Variants in TCF4 observed in about 807,000 individuals in gnomAD.
TCF4 encodes the protein SL3-3 enhancer factor 2.
In TCF4, 3 loss-of-function variants were observed where a neutral mutation model predicts 82.1. The observed-to-expected ratio is 0.04, with a 90% CI of 0.02 to 0.09. The LOEUF (loss-of-function observed/expected upper bound fraction) is 0.09, where lower values mean the gene tolerates loss of function less well. Among genes scored for constraint, TCF4 ranks in the 10% least tolerant of loss-of-function variants. TCF4 has a pLI of 1.00. For synonymous variants in TCF4, 276 were observed against 309.6 expected (o/e 0.89, Z 1.14); for missense variants, 518 against 852.7 (o/e 0.61, Z 4.89).
Position 55,275,655 on chromosome 18 carries a change from G to A in TCF4, c.753C>T (p.Ser251=), listed in dbSNP as rs760906445. 9.3e-6 allele frequency: 15 copies of A among 1,613,702 alleles called. No homozygotes were observed. Among genetic ancestry groups the A allele is most frequent in the South Asian group, 5.5e-5 (5 of 91,082 alleles). Residue 251 remains serine, a synonymous_variant, in exon 10 of 20, where the codon TCC becomes TCT. Transcript: ENST00000354452. ...MLGNSSHIPQ[S]SSYCSLHPHE... ...GTGGATGCAGGCTACAGTAGCTGCT[G>A]GACTGTGGAATATGAGAAGAGTTGC...
At chr18:55,526,525 T>C (rs1032150677) in intron 3 of TCF4, among the ~76,000 whole-genome samples, 4 of 152,200 alleles carry the variant, frequency 2.6e-5, no homozygotes, top group African/African-American at 9.7e-5. Flanking sequence ...TGGCTTCTCA[T>C]GCTTGGCACT....
At chr18:55,627,535 G>A (rs1214894600) in intron 2 of TCF4, among the ~76,000 whole-genome samples, 4 of 152,076 alleles carry the variant, frequency 2.6e-5, no homozygotes, top group South Asian at 4.1e-4. Context: ...AGGCCAAGGC[G>A]GGTGGATCAC....
Position 55,223,841 on chromosome 18 carries a change from A to C in TCF4, c.*4194T>G, listed in dbSNP as rs1288598475. 1.3e-5 allele frequency: 2 copies of C among 152,416 alleles called. No homozygotes were observed. The highest frequency in any genetic ancestry group is 1.3e-4 in the Admixed American group (2 of 15,264). 9.4% of individuals were successfully genotyped at this position (152,416 alleles called of 1,614,324 possible). On this transcript the variant is annotated 3_prime_UTR_variant, in exon 20 of 20. Coordinates refer to ENST00000354452, the MANE Select transcript of TCF4 (RefSeq NM_001083962.2). The stretch of plus-strand genomic sequence containing the variant: ...AAAAACAAAACAAAAAACAAACAAA[A>C]AAGCTACCCATACAGTTTCATCTTG...
chr18:55,349,312 G>T (rs1326365148), intron 8 of TCF4, among the ~76,000 whole-genome samples: 1 of 152,082 alleles, frequency 6.6e-6, no homozygotes, highest in Non-Finnish European at 1.5e-5. Flanking sequence ...CTGAAATCAA[G>T]TCAAATACAC....
intron 8 of TCF4, among the ~76,000 whole-genome samples, chr18:55,309,869 A>G (rs774360792): frequency 2.4e-4 from 37 of 152,204 alleles, no homozygotes; most frequent in Admixed American, 5.9e-4. Context: ...AAAAAAGGTC[A>G]ATACTCCCTC....
At chr18:55,474,635 T>TA (rs1662630993) in intron 3 of TCF4, among the ~76,000 whole-genome samples, 3 of 152,264 alleles carry the variant, frequency 2.0e-5, no homozygotes, top group African/African-American at 7.2e-5. Context: ...AGGAACCTCA[T>TA]AAAAAACACA....
At position 55,552,048 on chromosome 18, in the gene TCF4, T is replaced by C. The variant is rs655561; in HGVS notation, c.145+33232A>G. Among the ~76,000 whole-genome samples, 234 of 152,322 alleles carry C rather than the reference T, an allele frequency of 1.5e-3. 1 individual carries two copies. The highest frequency in any genetic ancestry group is 5.5e-3 in the African/African-American group (230 of 41,566). ...ATTCAAAGGTAACTCTTGAACACACTTTCTTTCAACACTCATTTACTGAAG... is the reference window on the plus strand; with the variant it reads ...ATTCAAAGGTAACTCTTGAACACACCTTCTTTCAACACTCATTTACTGAAG... On this transcript the variant is annotated intron_variant, in intron 3 of 19. Transcript: ENST00000354452.
intron 5 of TCF4, among the ~76,000 whole-genome samples, chr18:55,441,204 T>C (rs1412413272): frequency 6.6e-6 from 1 of 152,234 alleles, no homozygotes; most frequent in African/African-American, 2.4e-5. Context: ...TTCCTTGCTC[T>C]TTCTTTCTCT....
chr18:55,231,877 G>C (rs962720159), intron 17 of TCF4: 2 of 152,336 alleles, frequency 1.3e-5, no homozygotes, highest in African/African-American at 4.8e-5. Flanking sequence ...TTGAGGCAAA[G>C]TACACGGGTG....
intron 8 of TCF4, among the ~76,000 whole-genome samples, chr18:55,315,890 T>C (rs2074000004): frequency 6.6e-6 from 1 of 152,098 alleles, no homozygotes; most frequent in African/African-American, 2.4e-5. Context: ...AGGACTATGA[T>C]GATTTCCTAA....
At chr18:55,523,089 T>C (rs1038554877) in intron 3 of TCF4, among the ~76,000 whole-genome samples, 11 of 152,010 alleles carry the variant, frequency 7.2e-5, no homozygotes, top group African/African-American at 2.7e-4. Context: ...CTTTGAAATT[T>C]AAATGAGAGT....
chr18:55,620,238 G>A (rs1222318113), intron 2 of TCF4, among the ~76,000 whole-genome samples: 1 of 152,098 alleles, frequency 6.6e-6, no homozygotes, highest in Non-Finnish European at 1.5e-5. Context: ...CCAGTCTTGG[G>A]CAGTTCTTTA....
intron 6 of TCF4, among the ~76,000 whole-genome samples, chr18:55,383,067 C>T (rs554139372): frequency 5.3e-5 from 8 of 152,318 alleles, no homozygotes; most frequent in African/African-American, 1.9e-4. Flanking sequence ...AATCTGTGAG[C>T]AACAACTTGG....
chr18:55,316,101 T>C (rs1170595934), intron 8 of TCF4, among the ~76,000 whole-genome samples: 2 of 152,080 alleles, frequency 1.3e-5, no homozygotes, highest in African/African-American at 2.4e-5. Flanking sequence ...CTGTGAAAGA[T>C]TATTTATTTT....
intron 3 of TCF4, chr18:55,550,414 C>G (rs753196246): frequency 2.0e-5 from 3 of 152,150 alleles, no homozygotes; most frequent in Non-Finnish European, 4.4e-5. Context: ...CCCCTTATTT[C>G]ACTGCCAACA....
rs188837888 is a variant in TCF4 at position 55,235,701 on chromosome 18, T to C, written c.1351-1018A>G. ...ACAATCAGTAGTTCACATTTTCTTT[T>C]CTATTTCCAAGTATTTTCTTAGCCT... On this transcript the variant is annotated intron_variant, in intron 15 of 19. Coordinates refer to ENST00000354452, the MANE Select transcript of TCF4 (RefSeq NM_001083962.2). Among the ~76,000 whole-genome samples, 714 of 152,332 alleles carry C rather than the reference T, an allele frequency of 4.7e-3. 3 individuals are homozygous for C. Among genetic ancestry groups the C allele is most frequent in the Non-Finnish European group, 8.3e-3 (568 of 68,034 alleles).
At chr18:55,399,686 T>G (rs899601869) in intron 6 of TCF4, among the ~76,000 whole-genome samples, 1 of 152,132 alleles carries the variant, frequency 6.6e-6, no homozygotes, top group Non-Finnish European at 1.5e-5. Flanking sequence ...ACACAAGTCA[T>G]TAATACAGGG....
chr18:55,510,729 G>T, intron 3 of TCF4: 1 of 1,400,048 alleles, frequency 7.1e-7, no homozygotes, highest in Non-Finnish European at 9.3e-7. Flanking sequence ...GGCCTTCCTT[G>T]TTACTCTCCT....
rs564290336 is a variant in TCF4, at chr18:55,602,663, C to T, written c.287-15527G>A. Among the ~76,000 whole-genome samples, 5 of 152,296 alleles carry T rather than the reference C, an allele frequency of 3.3e-5. No individual in the cohort carries two copies. The South Asian group carries it at 1.0e-3, about 32-fold the overall frequency. ...CCATTACCATCAATAATTGAGAACA[C>T]ACACACATGCTAATCAATCATTTAC... On this transcript the variant is annotated intron_variant, in intron 2 of 20. Coordinates refer to the TCF4 transcript ENST00000398339.
Sources: gnomAD v4.1 joint callset for allele counts (sites outside exome capture counted in the v4.1 genomes callset) on GRCh38, gnomAD v4.1.1 for gene constraint, MANE v1.5 for transcripts, NCBI Gene and HGNC (gene_info 2026-07-23, HGNC 2026-07-21) for gene names.